Variants in RBM20 observed in about 807,000 individuals in gnomAD.
RBM20 encodes the protein RNA binding motif protein 20.
Under a neutral mutation model 110.1 loss-of-function variants are expected in RBM20, and 51 were observed. The ratio of observed to expected loss-of-function variants is 0.46; its 90% CI spans 0.37 to 0.59. The LOEUF is 0.59. Among genes scored for constraint, RBM20 ranks in the 20% least tolerant of loss-of-function variants. The probability of loss-of-function intolerance (pLI) is 0.00; values close to 1 mark genes in which losing one functional copy is unlikely to be tolerated. For synonymous variants in RBM20, 589 were observed against 618.2 expected (o/e 0.95, Z 0.70); for missense variants, 1,512 against 1,574.9 (o/e 0.96, Z 0.68).
intron 1 of RBM20, among the ~76,000 whole-genome samples, chr10:110,709,863 C>T (rs1308201384): frequency 6.6e-6 from 1 of 152,014 alleles, no homozygotes; most frequent in Non-Finnish European, 1.5e-5. Flanking sequence ...GCAGTGGTGC[C>T]CAGCCTCAAT....
chr10:110,765,356 A>C (rs780264939), intron 1 of RBM20, among the ~76,000 whole-genome samples: 2 of 151,968 alleles, frequency 1.3e-5, no homozygotes, highest in Non-Finnish European at 2.9e-5. Flanking sequence ...CTGGACCAGG[A>C]GGGGAGTGCC....
intron 1 of RBM20, among the ~76,000 whole-genome samples, chr10:110,755,192 C>T (rs1378691114): frequency 6.6e-6 from 1 of 152,166 alleles, no homozygotes; most frequent in Non-Finnish European, 1.5e-5. Context: ...CTGGTTCATC[C>T]TAATCCTGAG....
intron 1 of RBM20, among the ~76,000 whole-genome samples, chr10:110,775,314 A>G (rs1313824240): frequency 6.6e-6 from 1 of 152,212 alleles, no homozygotes; most frequent in East Asian, 1.9e-4. Context: ...GTGAATTTAA[A>G]TTCCTGAACT....
At chr10:110,705,231 C>G (rs1344207118) in intron 1 of RBM20, among the ~76,000 whole-genome samples, 2 of 152,210 alleles carry the variant, frequency 1.3e-5, no homozygotes, top group Non-Finnish European at 2.9e-5. Context: ...TTTCACATTA[C>G]TGTCCTCTAT....
rs78374565 is a variant in RBM20, at chr10:110,678,003, G to C, written c.191+33358G>C. On this transcript the variant is annotated intron_variant, in intron 1 of 13. Coordinates refer to ENST00000369519, the MANE Select transcript of RBM20 (RefSeq NM_001134363.3). ...CTATTATGTGCTAGGTGCTGTCTTA[G>C]GTGCTGAGTGATGAATGGAATAGGT... Among the ~76,000 whole-genome samples, 259 of 152,290 alleles carry C rather than the reference G, an allele frequency of 1.7e-3. 2 individuals carry two copies. Among genetic ancestry groups the C allele is most frequent in the African/African-American group, 6.0e-3 (248 of 41,556 alleles).
intron 1 of RBM20, among the ~76,000 whole-genome samples, chr10:110,661,942 C>A (rs1164914628): frequency 6.7e-6 from 1 of 150,222 alleles, no homozygotes; most frequent in African/African-American, 2.5e-5. Context: ...ACCCAGGAGG[C>A]GGAAGCTGCA....
At chr10:110,791,945 C>G (rs779088023) in intron 5 of RBM20, among the ~76,000 whole-genome samples, 6 of 152,206 alleles carry the variant, frequency 3.9e-5, no homozygotes, top group Non-Finnish European at 8.8e-5. Context: ...AGCCCATCAA[C>G]ACCTTGACCT....
At chr10:110,647,421 G>C (rs1422037839) in intron 1 of RBM20, among the ~76,000 whole-genome samples, 1 of 152,100 alleles carries the variant, frequency 6.6e-6, no homozygotes, top group South Asian at 2.1e-4. Context: ...CTTGTTTACT[G>C]TAAAGATTAT....
rs572421911 is a variant in RBM20, at chr10:110,685,540, G to A, written c.191+40895G>A. Among the ~76,000 whole-genome samples, 6 of 152,294 alleles carry A rather than the reference G, an allele frequency of 3.9e-5. No individual in the cohort carries two copies. In the South Asian group the frequency reaches 1.0e-3, roughly 26 times the overall value. On this transcript the variant is annotated intron_variant, in intron 1 of 13. Transcript: ENST00000369519. ...GTATTTTTCTTTGCTATTTTGGTTA[G>A]CAAGTCCCTAGTAGTCCATACTGAG... is the stretch of plus-strand genomic sequence containing the variant.
At chr10:110,831,203 C>T (rs1257943020) in intron 13 of RBM20, 21 bp downstream of exon 13, 1 of 1,547,928 alleles carries the variant, frequency 6.5e-7, no homozygotes. Context: ...ACTCTCCTTG[C>T]CCAGCATGCC....
At chr10:110,680,031 T>A (rs550932964) in intron 1 of RBM20, among the ~76,000 whole-genome samples, 7 of 152,344 alleles carry the variant, frequency 4.6e-5, no homozygotes, top group African/African-American at 1.7e-4. Context: ...GACAGCACTG[T>A]TTCTAAATGA....
chr10:110,766,190 C>T (rs1310547768), intron 1 of RBM20, among the ~76,000 whole-genome samples: 2 of 152,154 alleles, frequency 1.3e-5, no homozygotes, highest in Admixed American at 6.5e-5. Context: ...GGATCGTAAC[C>T]ACAGGTTTAG....
intron 1 of RBM20, among the ~76,000 whole-genome samples, chr10:110,771,321 G>T (rs935266196): frequency 6.6e-6 from 1 of 152,020 alleles, no homozygotes; most frequent in Non-Finnish European, 1.5e-5. Flanking sequence ...TAGAGACCAG[G>T]TTTCGCCATG....
intron 1 of RBM20, among the ~76,000 whole-genome samples, chr10:110,707,128 T>C (rs373578123): frequency 1.8e-4 from 27 of 152,236 alleles, no homozygotes; most frequent in African/African-American, 5.5e-4. Flanking sequence ...TTCTTTTCCC[T>C]TTTTAAAGGA....
chr10:110,782,515 T>C (rs978460506), intron 2 of RBM20, among the ~76,000 whole-genome samples: 2 of 152,224 alleles, frequency 1.3e-5, no homozygotes, highest in Non-Finnish European at 2.9e-5. Flanking sequence ...ATAACAATTA[T>C]AACAAATACC....
At chr10:110,666,785 G>A (rs551125280) in intron 1 of RBM20, among the ~76,000 whole-genome samples, 2 of 152,250 alleles carry the variant, frequency 1.3e-5, no homozygotes, top group Admixed American at 1.3e-4. Context: ...TCAAACTATT[G>A]TAGGATTGTT....
chr10:110,660,704 T>C (rs911390335), intron 1 of RBM20, among the ~76,000 whole-genome samples: 2 of 151,902 alleles, frequency 1.3e-5, no homozygotes, highest in African/African-American at 2.4e-5. Flanking sequence ...CACCCCGAGA[T>C]AGGACCATCT....
At chr10:110,713,875 C>G (rs1292507614) in intron 1 of RBM20, among the ~76,000 whole-genome samples, 1 of 152,140 alleles carries the variant, frequency 6.6e-6, no homozygotes, top group African/African-American at 2.4e-5. Flanking sequence ...GTTTTCCAGC[C>G]TACTAAGGAC....
chr10:110,679,977 C>A (rs1259778424), intron 1 of RBM20, among the ~76,000 whole-genome samples: 2 of 152,252 alleles, frequency 1.3e-5, no homozygotes, highest in Non-Finnish European at 2.9e-5. Flanking sequence ...GACACTGCCC[C>A]TTTTAACCTG....
Sources: gnomAD v4.1 joint callset for allele counts (sites outside exome capture counted in the v4.1 genomes callset) on GRCh38, gnomAD v4.1.1 for gene constraint, MANE v1.5 for transcripts, NCBI Gene and HGNC (gene_info 2026-07-23, HGNC 2026-07-21) for gene names.